CAST: variants seen among roughly 807,000 people sequenced by gnomAD.
The protein encoded by CAST is MIR583 host.
Under a neutral mutation model 119.6 loss-of-function variants are expected in CAST, and 76 were observed. That is an observed-to-expected ratio of 0.64 (90% CI 0.53 to 0.77). The LOEUF (loss-of-function observed/expected upper bound fraction) is 0.77, where lower values mean the gene tolerates loss of function less well. Ranked by LOEUF, CAST falls within the 30% of genes least tolerant of loss-of-function variation. CAST has a pLI of 0.00. For synonymous variants in CAST, 319 were observed against 331.6 expected (o/e 0.96, Z 0.41); for missense variants, 953 against 946.5 (o/e 1.01, Z -0.09).
At chr5:96,337,914 A>G in the CAST span, among the ~76,000 whole-genome samples, 8 of 152,246 alleles carry the variant, frequency 5.3e-5, no homozygotes, top group African/African-American at 1.9e-4. Flanking sequence ...TTGAACACAT[A>G]TAAAACATTA....
the CAST span, among the ~76,000 whole-genome samples, chr5:95,987,113 G>T: frequency 6.6e-6 from 1 of 151,920 alleles, no homozygotes; most frequent in African/African-American, 2.4e-5. Flanking sequence ...CCTGACCTTC[G>T]GACCCTTGCT....
At chr5:96,302,958 G>A in the CAST span, among the ~76,000 whole-genome samples, 5 of 152,236 alleles carry the variant, frequency 3.3e-5, no homozygotes, top group Non-Finnish European at 5.9e-5. Flanking sequence ...TTATAGCAAT[G>A]CCCCACTTCT....
chr5:96,106,452 C>G, the CAST span, among the ~76,000 whole-genome samples: 1 of 152,102 alleles, frequency 6.6e-6, no homozygotes, highest in African/African-American at 2.4e-5. Flanking sequence ...CAAAGAACAT[C>G]TTTATTTCTG....
At chr5:96,172,032 T>A in the CAST span, among the ~76,000 whole-genome samples, 4 of 152,222 alleles carry the variant, frequency 2.6e-5, no homozygotes, top group African/African-American at 9.6e-5. Context: ...ATAAAGCTTT[T>A]TAATCACCTG....
chr5:95,979,830 A>T, the CAST span, among the ~76,000 whole-genome samples: 3 of 152,218 alleles, frequency 2.0e-5, 1 homozygote, highest in African/African-American at 7.2e-5. Context: ...TTAAAAGTAG[A>T]AGTGTGGCAA....
the CAST span, among the ~76,000 whole-genome samples, chr5:96,440,597 G>A: frequency 6.6e-6 from 1 of 152,072 alleles, no homozygotes; most frequent in African/African-American, 2.4e-5. Context: ...ATAAATGGCA[G>A]CAGGGTGAGG....
At chr5:96,108,320 T>C in the CAST span, among the ~76,000 whole-genome samples, 1 of 152,192 alleles carries the variant, frequency 6.6e-6, no homozygotes, top group East Asian at 1.9e-4. Flanking sequence ...GAGTTTCCAG[T>C]TTTTCTGCTC....
chr5:96,730,436 A>T (rs1035882738), intron 8 of CAST, among the ~76,000 whole-genome samples: 1 of 152,206 alleles, frequency 6.6e-6, no homozygotes, highest in Non-Finnish European at 1.5e-5. Flanking sequence ...ATAACATCCC[A>T]AATTGTAACT....
the CAST span, among the ~76,000 whole-genome samples, chr5:96,501,454 A>G: frequency 5.9e-5 from 9 of 152,234 alleles, no homozygotes; most frequent in African/African-American, 1.9e-4. Context: ...TTACTTTAAG[A>G]TAAAAAGCAT....
intron 1 of CAST, among the ~76,000 whole-genome samples, chr5:96,552,155 C>T (rs2150182409): frequency 6.6e-6 from 1 of 152,200 alleles, no homozygotes; most frequent in Admixed American, 6.5e-5. Context: ...TAAAATTGAC[C>T]ACATAATTGG....
the CAST span, among the ~76,000 whole-genome samples, chr5:96,149,275 G>A: frequency 2.6e-5 from 4 of 152,134 alleles, no homozygotes; most frequent in Admixed American, 6.5e-5. Context: ...GCTGGAGGCC[G>A]AACTCTAAAA....
the CAST span, among the ~76,000 whole-genome samples, chr5:96,254,309 G>C: frequency 6.6e-6 from 1 of 151,912 alleles, no homozygotes; most frequent in Non-Finnish European, 1.5e-5. Flanking sequence ...TATTATTTCA[G>C]TGACTTTATG....
At chr5:96,587,730 A>G (rs1746884551) in intron 1 of CAST, among the ~76,000 whole-genome samples, 1 of 152,226 alleles carries the variant, frequency 6.6e-6, no homozygotes, top group South Asian at 2.1e-4. Context: ...TATTCAAATC[A>G]GGAGGAAATG....
the CAST span, among the ~76,000 whole-genome samples, chr5:96,048,695 C>T: frequency 6.6e-6 from 1 of 151,946 alleles, no homozygotes; most frequent in Non-Finnish European, 1.5e-5. Context: ...GTGGACATGT[C>T]CCAAATATGT....
chr5:96,125,023 A>G, the CAST span, among the ~76,000 whole-genome samples: 1 of 152,148 alleles, frequency 6.6e-6, no homozygotes. Flanking sequence ...CCCGATTCTT[A>G]GAACAAAATT....
the CAST span, among the ~76,000 whole-genome samples, chr5:96,036,384 C>G: frequency 1.3e-5 from 2 of 152,106 alleles, no homozygotes; most frequent in African/African-American, 4.8e-5. Flanking sequence ...GAATTTGGCC[C>G]ATAAACTGCC....
At chr5:96,023,810 T>C in the CAST span, among the ~76,000 whole-genome samples, 1 of 151,758 alleles carries the variant, frequency 6.6e-6, no homozygotes, top group Non-Finnish European at 1.5e-5. Context: ...AAAAAAAAAA[T>C]AAGACATGCA....
At chr5:96,394,472 T>C in the CAST span, among the ~76,000 whole-genome samples, 2 of 152,248 alleles carry the variant, frequency 1.3e-5, no homozygotes, top group African/African-American at 2.4e-5. Flanking sequence ...GATACACGAA[T>C]GTCTATCCTT....
At chr5:95,975,663 G>T in the CAST span, among the ~76,000 whole-genome samples, 1 of 152,160 alleles carries the variant, frequency 6.6e-6, no homozygotes, top group Non-Finnish European at 1.5e-5. Context: ...GATATAACAT[G>T]CAGTGAGCAG....
Sources: gnomAD v4.1 joint callset for allele counts (sites outside exome capture counted in the v4.1 genomes callset) on GRCh38, gnomAD v4.1.1 for gene constraint, MANE v1.5 for transcripts, NCBI Gene and HGNC (gene_info 2026-07-23, HGNC 2026-07-21) for gene names.